The following AMDHD1 variants were observed in gnomAD, a reference collection of about 807,000 sequenced individuals.
AMDHD1 encodes the protein amidohydrolase domain containing 1, also known as probable imidazolonepropionase.
In AMDHD1, 45 loss-of-function variants were observed where a neutral mutation model predicts 44.1. That is an observed-to-expected ratio of 1.02 (90% confidence interval 0.80 to 1.31). The LOEUF (loss-of-function observed/expected upper bound fraction) is 1.31. Ranked by LOEUF, AMDHD1 falls within the 50% of genes most tolerant of loss-of-function variation. The probability of loss-of-function intolerance (pLI) is 0.00; values close to 1 mark genes in which losing one functional copy is unlikely to be tolerated. For synonymous variants in AMDHD1, 206 were observed against 205.0 expected, an observed-to-expected ratio of 1.00 and a Z score of -0.04; for missense variants, 586 against 552.1, an observed-to-expected ratio of 1.06 and a Z score of -0.61.
Position 95,966,461 on chromosome 12 carries a change from G to A in AMDHD1, c.1146G>A (p.Ser382=), listed in dbSNP as rs374628537. The A allele has an allele frequency of 1.1e-4, 176 of 1,614,152 alleles. No homozygotes were observed. Among genetic ancestry groups the A allele is most frequent in the East Asian group, 7.8e-4 (35 of 44,904 alleles). Residue 382 remains serine, a synonymous_variant, in exon 8 of 9, where the codon TCG becomes TCA. Transcript: ENST00000266736. The stretch of plus-strand genomic sequence containing the variant: ...TGGGAAAGTCTCACACACACGGATC[G>A]TTGGAAGTTGGCAAACAGGGAGATC... The part of the protein sequence containing the change: ...YALGKSHTHG[S]LEVGKQGDLI...
At chr12:95,963,099 C>G (rs2080590891) in intron 6 of AMDHD1, among the ~76,000 whole-genome samples, 1 of 152,142 alleles carries the variant, frequency 6.6e-6, no homozygotes, top group Admixed American at 6.5e-5. Flanking sequence ...CCCATTGTAC[C>G]ACTTACTTAT....
intron 8 of AMDHD1, 106 bp downstream of exon 8, chr12:95,966,614 T>A: frequency 3.0e-6 from 4 of 1,340,206 alleles, no homozygotes; most frequent in Non-Finnish European, 4.2e-6. Flanking sequence ...CTGTCTGGAC[T>A]CAGACACTAT....
At chr12:95,966,568 C>G in intron 8 of AMDHD1, 60 bp downstream of exon 8, 1 of 1,589,126 alleles carries the variant, frequency 6.3e-7, no homozygotes, top group Non-Finnish European at 8.6e-7. Context: ...CAGATGAGGC[C>G]TAAATCCCTT....
chr12:95,967,795 AT>A lies in AMDHD1; in HGVS notation c.1235del (p.Leu412Ter), dbSNP rs777954157. On this transcript the variant is annotated frameshift_variant, in exon 9 of 9. Coordinates refer to ENST00000266736, the MANE Select transcript of AMDHD1 (RefSeq NM_152435.3). LOFTEE classifies it high-confidence loss of function. ...LIYQFGGHHE[L>X]IEYVIAKGKL... The stretch of plus-strand genomic sequence containing the variant: ...TTTACCAGTTCGGAGGCCATCATGA[AT>A]TAATTGAATATGTTATAGCTAAAGG... The A allele has an allele frequency of 4.4e-6, 7 of 1,599,466 alleles. No individual in the cohort carries two copies. The South Asian group carries it at 8.1e-5, about 18-fold the overall frequency.
At chr12:95,965,851 A>G in intron 7 of AMDHD1, 72 bp downstream of exon 7, 2 of 1,046,916 alleles carry the variant, frequency 1.9e-6, no homozygotes, top group Admixed American at 2.7e-5. Context: ...AAAATATTTC[A>G]CTAGCTTTTA....
intron 2 of AMDHD1, among the ~76,000 whole-genome samples, chr12:95,953,788 T>C (rs1196204897): frequency 6.6e-6 from 1 of 151,978 alleles, no homozygotes; most frequent in Non-Finnish European, 1.5e-5. Context: ...ACCATGTTGG[T>C]CAGGCTGGTC....
At chr12:95,953,012 A>G (rs892420180) in intron 2 of AMDHD1, among the ~76,000 whole-genome samples, 189 bp downstream of exon 2, 3 of 152,240 alleles carry the variant, frequency 2.0e-5, no homozygotes, top group Non-Finnish European at 4.4e-5. Flanking sequence ...TTGAATCCTT[A>G]TAACTGCCCT....
chr12:95,954,569 A>AAAAT (rs10630218), intron 2 of AMDHD1, among the ~76,000 whole-genome samples: 56,143 of 148,180 alleles, frequency 0.38, 11,460 homozygotes, highest in Admixed American at 0.49. Flanking sequence ...ACCTTTCTCA[A>AAAAT]AAATAAATAA....
At chr12:95,949,161 A>G (rs2080515334) in intron 1 of AMDHD1, among the ~76,000 whole-genome samples, 2 of 15,636 alleles carry the variant, frequency 1.3e-4, no homozygotes, top group African/African-American at 1.4e-3. Flanking sequence ...AAAAAAAAAG[A>G]AAAAAAAAAA....
chr12:95,948,252 G>A (rs1314597365), intron 1 of AMDHD1, among the ~76,000 whole-genome samples: 43 of 128,612 alleles, frequency 3.3e-4, no homozygotes, highest in Admixed American at 3.7e-4. Flanking sequence ...GCCCTGTCCA[G>A]GAGGGAGGTG....
intron 4 of AMDHD1, 82 bp from the exon 5 acceptor site, chr12:95,960,316 G>T (rs2080574318): frequency 1.6e-6 from 2 of 1,236,804 alleles, no homozygotes; most frequent in South Asian, 2.8e-5. Context: ...CTGCTCCTCA[G>T]GTTCTTCAAG....
chr12:95,943,419 C>G lies in AMDHD1; in HGVS notation c.21C>G (p.Leu7=), dbSNP rs1293595955. ...GCGACATGGCAAGCGGCCACAGCCT[C>G]CTGCTGGAGAACGCGCAGCAAGTGG... The part of the protein sequence containing the change: MASGHS[L]LLENAQQVVL... The change falls in exon 1 of 9, where the codon CTC becomes CTG. Residue 7 remains leucine, a synonymous_variant. Coordinates refer to ENST00000266736, the MANE Select transcript of AMDHD1 (RefSeq NM_152435.3). 8.6e-6 allele frequency: 13 copies of G among 1,504,264 alleles called. No homozygotes were observed. Among genetic ancestry groups the G allele is most frequent in the African/African-American group, 1.4e-5 (1 of 68,988 alleles). The allele number at this position is 1,504,264 out of a possible 1,614,324, so 93.2% of individuals were successfully genotyped here.
At position 95,966,418 on chromosome 12, in the gene AMDHD1, T is replaced by C; in HGVS notation, c.1103T>C (p.Ile368Thr). Residue 368 changes from isoleucine to threonine, a missense_variant, in exon 8 of 9, where the codon ATC (isoleucine) becomes ACC (threonine). Physicochemically the swap from Ile to Thr is moderately conservative, Grantham distance 89. Transcript: ENST00000266736. ...CCTGAGGCCTTGGCCGCTGCCACCA[T>C]CAATGCAGCTTATGCACTGGGAAAG... ...SMPEALAAATINAAYALGKSH... is the reference protein window; with the variant it reads ...SMPEALAAATTNAAYALGKSH... 1 of 1,614,238 alleles carries C rather than the reference T, an allele frequency of 6.2e-7. No individual in the cohort carries two copies. Among genetic ancestry groups the C allele is most frequent in the South Asian group, 1.1e-5 (1 of 91,084 alleles).
chr12:95,956,024 G>A (rs1321079429), intron 3 of AMDHD1, among the ~76,000 whole-genome samples: 3 of 152,146 alleles, frequency 2.0e-5, no homozygotes, highest in African/African-American at 7.2e-5. Context: ...ATGGAGGGAG[G>A]GCTGATACTT....
chr12:95,967,730 T>G, intron 8 of AMDHD1, 26 bp from the exon 9 acceptor site: 1 of 1,434,634 alleles, frequency 7.0e-7, no homozygotes, highest in Non-Finnish European at 9.3e-7. Flanking sequence ...TGAAGTAATA[T>G]TTGTTGTTTT....
intron 1 of AMDHD1, among the ~76,000 whole-genome samples, chr12:95,945,605 C>T (rs1414506160): frequency 6.6e-6 from 1 of 152,136 alleles, no homozygotes; most frequent in Non-Finnish European, 1.5e-5. Context: ...CATCACTTCC[C>T]TTATGCAGAA....
chr12:95,960,688 CT>C, intron 5 of AMDHD1, 65 bp downstream of exon 5: 2 of 1,481,798 alleles, frequency 1.3e-6, no homozygotes, highest in Non-Finnish European at 1.9e-6. Context: ...CTATGGGAAA[CT>C]TAATTAGTTT....
At chr12:95,952,972 T>C (rs2080531877) in intron 2 of AMDHD1, 149 bp downstream of exon 2, 11 of 565,674 alleles carry the variant, frequency 1.9e-5, no homozygotes, top group South Asian at 7.0e-5. Context: ...TATTATTGAA[T>C]GTATAGCTGC....
intron 2 of AMDHD1, among the ~76,000 whole-genome samples, chr12:95,953,650 T>G (rs2080535156): frequency 6.6e-6 from 1 of 152,218 alleles, no homozygotes. Flanking sequence ...GGTGTGATCT[T>G]GGCTCACTGC....
Sources: gnomAD v4.1 joint callset for allele counts (sites outside exome capture counted in the v4.1 genomes callset) on GRCh38, gnomAD v4.1.1 for gene constraint, MANE v1.5 for transcripts, NCBI Gene and HGNC (gene_info 2026-07-23, HGNC 2026-07-21) for gene names.